PEAK1: variants seen among roughly 807,000 people sequenced by gnomAD.
PEAK1 encodes the protein inactive tyrosine-protein kinase PEAK1.
In PEAK1, 54 loss-of-function variants were observed where a neutral mutation model predicts 124.7. The observed-to-expected ratio is 0.43, with a 90% CI of 0.35 to 0.54. PEAK1 has a LOEUF of 0.54. Ranked by LOEUF, PEAK1 falls within the 20% of genes least tolerant of loss-of-function variation. The pLI is 0.01. For missense variants in PEAK1, 2,046 were observed against 2,134.5 expected (o/e 0.96, Z 0.82); for synonymous variants, 719 against 760.0 (o/e 0.95, Z 0.89).
chr15:77,221,821 G>A (rs1421250222), intron 6 of PEAK1, among the ~76,000 whole-genome samples: 4 of 152,064 alleles, frequency 2.6e-5, no homozygotes, highest in African/African-American at 9.7e-5. Flanking sequence ...ATTTTGGGCC[G>A]AATCAAAGGC....
chr15:77,264,691 A>T (rs934742240), intron 5 of PEAK1, among the ~76,000 whole-genome samples: 5 of 152,174 alleles, frequency 3.3e-5, no homozygotes, highest in Admixed American at 1.3e-4. Flanking sequence ...AAGGTAATTT[A>T]TAGATTCAAT....
chr15:77,315,684 C>T (rs2064826811), intron 2 of PEAK1, among the ~76,000 whole-genome samples: 1 of 151,090 alleles, frequency 6.6e-6, no homozygotes, highest in Non-Finnish European at 1.5e-5. Flanking sequence ...TATATATGTA[C>T]AGGAAAAAAA....
intron 8 of PEAK1, 140 bp downstream of exon 8, chr15:77,158,363 G>T: frequency 2.7e-6 from 2 of 751,878 alleles, no homozygotes; most frequent in South Asian, 1.9e-5. Flanking sequence ...TTTTTCTGAT[G>T]TGACTTAAAA....
intron 5 of PEAK1, among the ~76,000 whole-genome samples, chr15:77,277,789 C>T (rs1464787475): frequency 6.6e-6 from 1 of 152,046 alleles, no homozygotes; most frequent in Non-Finnish European, 1.5e-5. Context: ...AACTATATGA[C>T]ATTCTGAAAA....
chr15:77,223,636 A>G (rs1280201654), intron 6 of PEAK1, among the ~76,000 whole-genome samples: 1 of 152,080 alleles, frequency 6.6e-6, no homozygotes, highest in Admixed American at 6.6e-5. Context: ...TAGCAAGCCA[A>G]TACTCAAACT....
rs1168336208 is a variant in PEAK1 at position 77,158,618 on chromosome 15, G to T, written c.3216C>A (p.Gly1072=). 6.2e-7 allele frequency: 1 copy of T among 1,613,964 alleles called. No individual in the cohort carries two copies. The highest frequency in any genetic ancestry group is 2.2e-5 in the East Asian group (1 of 44,894). The change falls in exon 8 of 10, where the codon GGC becomes GGA. Residue 1072 remains glycine, a synonymous_variant. Transcript: ENST00000682557. ...RTVVGKQDGR[G]CTSVTTALSL... ...ACAATGCTGTTGTGACTGAAGTGCAGCCCCTGCCATCTTGCTTCCCAACAA... is the reference window on the plus strand; with the variant it reads ...ACAATGCTGTTGTGACTGAAGTGCATCCCCTGCCATCTTGCTTCCCAACAA...
At chr15:77,404,707 TAGG>T (rs1438047436) in intron 1 of PEAK1, 7 of 941,024 alleles carry the variant, frequency 7.4e-6, no homozygotes, top group African/African-American at 7.1e-5. Context: ...AGAATGATCA[TAGG>T]AGAAGTAGGA....
chr15:77,291,628 A>T (rs902872068), intron 2 of PEAK1, among the ~76,000 whole-genome samples: 2 of 152,032 alleles, frequency 1.3e-5, no homozygotes, highest in Non-Finnish European at 2.9e-5. Flanking sequence ...GGAATCATCC[A>T]TCTGGTGTAA....
At chr15:77,226,072 T>C (rs796335946) in intron 6 of PEAK1, among the ~76,000 whole-genome samples, 1 of 137,208 alleles carries the variant, frequency 7.3e-6, no homozygotes, top group East Asian at 2.1e-4. Flanking sequence ...TATATATATA[T>C]ATATATATAT....
chr15:77,337,644 T>C, intron 2 of PEAK1: 1 of 985,436 alleles, frequency 1.0e-6, no homozygotes, highest in Non-Finnish European at 1.2e-6. Flanking sequence ...ATGAATGAGA[T>C]GAAATCTAAA....
chr15:77,168,205 CCATATGTACAT>C lies in PEAK1; in HGVS notation c.3138-9520_3138-9510del, dbSNP rs2056248521. 2.0e-5 allele frequency among the ~76,000 whole-genome samples: 3 copies of C among 150,398 alleles called. No individual in the cohort carries two copies. In the Admixed American group the frequency reaches 2.0e-4, roughly 10 times the overall value. ...AGTGCTGGGATTTTCATTTTCCATG[CCATATGTACAT>C]GCACATATGCATGTGCGCGCGCACA... On this transcript the variant is annotated intron_variant, in intron 7 of 9. Transcript: ENST00000682557.
intron 5 of PEAK1, among the ~76,000 whole-genome samples, chr15:77,269,415 G>A (rs1009641731): frequency 6.6e-6 from 1 of 152,048 alleles, no homozygotes. Context: ...TGTTAAAAAC[G>A]ACAAAGAGAG....
Position 77,270,578 on chromosome 15 carries a change from A to G in PEAK1, c.-275+13305T>C, listed in dbSNP as rs979082976. On this transcript the variant is annotated intron_variant, in intron 5 of 9. Transcript: ENST00000682557. ...TAGGAATCCAACTTACAAGGGATGT[A>G]AAGGACCTTTTCAAGGAGAACTACA... Among the ~76,000 whole-genome samples, 41 of 152,244 alleles carry G rather than the reference A, an allele frequency of 2.7e-4. 1 individual carries two copies. Among genetic ancestry groups the G allele is most frequent in the African/African-American group, 9.4e-4 (39 of 41,540 alleles).
At chr15:77,353,144 C>T (rs1000818206) in intron 2 of PEAK1, among the ~76,000 whole-genome samples, 6 of 152,192 alleles carry the variant, frequency 3.9e-5, no homozygotes, top group African/African-American at 1.4e-4. Context: ...AAAGAAACTC[C>T]TCGGCTATTC....
intron 9 of PEAK1, among the ~76,000 whole-genome samples, chr15:77,123,755 G>C (rs941654490): frequency 1.3e-5 from 2 of 152,168 alleles, no homozygotes; most frequent in African/African-American, 2.4e-5. Flanking sequence ...AGAGAACAGG[G>C]AAGTTAAGTT....
At chr15:77,115,605 C>T (rs558675289) in intron 9 of PEAK1, among the ~76,000 whole-genome samples, 6 of 146,276 alleles carry the variant, frequency 4.1e-5, no homozygotes, top group African/African-American at 7.3e-5. Flanking sequence ...AAAAAAAGCC[C>T]GGGGTTATGT....
intron 8 of PEAK1, among the ~76,000 whole-genome samples, chr15:77,137,714 G>A (rs12911305): frequency 0.077 from 11,689 of 152,164 alleles, 558 homozygotes; most frequent in Non-Finnish European, 0.1. Context: ...GCCTTGTCTC[G>A]GATGAGACTT....
At chr15:77,268,450 G>A (rs1396879359) in intron 5 of PEAK1, among the ~76,000 whole-genome samples, 2 of 150,682 alleles carry the variant, frequency 1.3e-5, no homozygotes, top group Non-Finnish European at 2.9e-5. Context: ...TTTCAGTCTG[G>A]ATGACAGAGC....
intron 5 of PEAK1, among the ~76,000 whole-genome samples, chr15:77,266,671 A>C (rs1013472524): frequency 6.6e-6 from 1 of 152,226 alleles, no homozygotes; most frequent in African/African-American, 2.4e-5. Flanking sequence ...GATAACAGAC[A>C]TAAGAATTAT....
Sources: gnomAD v4.1 joint callset for allele counts (sites outside exome capture counted in the v4.1 genomes callset) on GRCh38, gnomAD v4.1.1 for gene constraint, MANE v1.5 for transcripts, NCBI Gene and HGNC (gene_info 2026-07-23, HGNC 2026-07-21) for gene names.